The following CACNA2D3 variants were observed in gnomAD, a reference collection of about 807,000 sequenced individuals.
The protein encoded by CACNA2D3 is calcium voltage-gated channel auxiliary subunit alpha2delta 3, also known as voltage-dependent calcium channel subunit alpha-2/delta-3.
CACNA2D3 carries 60 observed loss-of-function variants against 160.6 expected under a neutral mutation model. The observed-to-expected ratio is 0.37, with a 90% CI of 0.30 to 0.46. The LOEUF is 0.46. Ranked by LOEUF, CACNA2D3 falls within the 20% of genes least tolerant of loss-of-function variation. CACNA2D3 has a pLI of 1.00. For missense variants in CACNA2D3, 1,205 were observed against 1,365.0 expected (o/e 0.88, Z 1.85); for synonymous variants, 558 against 492.9 (o/e 1.13, Z -1.75).
intron 27 of CACNA2D3, among the ~76,000 whole-genome samples, chr3:54,951,459 G>T (rs1324563832): frequency 3.3e-5 from 5 of 152,228 alleles, no homozygotes; most frequent in African/African-American, 4.8e-5. Context: ...TTTGGTGTGC[G>T]GCCCGGGGGC....
At chr3:54,634,934 AT>A (rs1331681321) in intron 10 of CACNA2D3, among the ~76,000 whole-genome samples, 6 of 152,064 alleles carry the variant, frequency 3.9e-5, no homozygotes, top group Admixed American at 6.5e-5. Context: ...GAGGCCTGAC[AT>A]TCCTGCCTTC....
chr3:54,469,787 C>G (rs528386203), intron 4 of CACNA2D3, among the ~76,000 whole-genome samples: 4 of 151,750 alleles, frequency 2.6e-5, no homozygotes, highest in Admixed American at 2.0e-4. Context: ...GAAGCATACA[C>G]AAGTATCAAT....
intron 15 of CACNA2D3, among the ~76,000 whole-genome samples, chr3:54,837,807 T>C (rs1187208831): frequency 6.6e-6 from 1 of 152,178 alleles, no homozygotes; most frequent in Admixed American, 6.5e-5. Flanking sequence ...CTCTGTGTCC[T>C]TCCCTGTTGT....
intron 2 of CACNA2D3, among the ~76,000 whole-genome samples, chr3:54,293,848 A>T (rs1222351321): frequency 6.6e-6 from 1 of 152,114 alleles, no homozygotes; most frequent in East Asian, 1.9e-4. Context: ...GAGTGATGAA[A>T]CGGTTCTGCA....
At chr3:54,736,004 TATGTATATATATAC>T (rs1701495828) in intron 11 of CACNA2D3, among the ~76,000 whole-genome samples, 6 of 100,064 alleles carry the variant, frequency 6.0e-5, no homozygotes, top group Admixed American at 4.9e-4. Flanking sequence ...CATATATATA[TATGTATATATATAC>T]ACATACATAT....
intron 3 of CACNA2D3, among the ~76,000 whole-genome samples, chr3:54,384,513 A>C (rs569244437): frequency 3.3e-5 from 5 of 152,184 alleles, no homozygotes; most frequent in Non-Finnish European, 7.4e-5. Flanking sequence ...ATTGTACCAC[A>C]TGATCCCAGA....
chr3:54,391,616 T>C (rs1699283829), intron 4 of CACNA2D3, among the ~76,000 whole-genome samples: 1 of 151,842 alleles, frequency 6.6e-6, no homozygotes, highest in Non-Finnish European at 1.5e-5. Context: ...CTTCAAGTGA[T>C]TCTCATGCCT....
Position 54,736,249 on chromosome 3 carries a change from G to A in CACNA2D3, c.1168-16350G>A, listed in dbSNP as rs138602850. Reference sequence around the variant, plus strand: ...TTAGTGATGTCTTTCCAAGTCATTAGCAATCGGCTTTGCCATTATTTGTGA... The same window carrying A: ...TTAGTGATGTCTTTCCAAGTCATTAACAATCGGCTTTGCCATTATTTGTGA... On this transcript the variant is annotated intron_variant, in intron 11 of 37. Transcript: ENST00000474759. 1.9e-4 allele frequency among the ~76,000 whole-genome samples: 29 copies of A among 150,272 alleles called. No individual in the cohort carries two copies. The East Asian group carries it at 5.3e-3, about 27-fold the overall frequency.
chr3:54,641,267 A>T (rs1699514201), intron 10 of CACNA2D3, among the ~76,000 whole-genome samples: 1 of 152,248 alleles, frequency 6.6e-6, no homozygotes, highest in South Asian at 2.1e-4. Context: ...AAGGCAAGAC[A>T]TTTCAAAGGG....
chr3:55,066,445 C>A (rs1331299359), intron 35 of CACNA2D3, among the ~76,000 whole-genome samples: 1 of 152,174 alleles, frequency 6.6e-6, no homozygotes, highest in Non-Finnish European at 1.5e-5. Context: ...GCCAAACAAG[C>A]TCTCCACATG....
At position 54,708,428 on chromosome 3, in the gene CACNA2D3, A is replaced by G. The variant is rs373484890; in HGVS notation, c.1168-44171A>G. On this transcript the variant is annotated intron_variant, in intron 11 of 37. Coordinates refer to ENST00000474759, the MANE Select transcript of CACNA2D3 (RefSeq NM_018398.3). ...GTAGAGCTACCAAAGACAAAGTGAC[A>G]GAAAAATAACCCTAATAAACACTTC... is the stretch of plus-strand genomic sequence containing the variant. 3.6e-4 allele frequency among the ~76,000 whole-genome samples: 55 copies of G among 152,346 alleles called. No homozygotes were observed. The South Asian group carries it at 7.0e-3, about 20-fold the overall frequency.
At chr3:54,199,889 T>G (rs1272738299) in intron 2 of CACNA2D3, among the ~76,000 whole-genome samples, 1 of 152,176 alleles carries the variant, frequency 6.6e-6, no homozygotes, top group Non-Finnish European at 1.5e-5. Flanking sequence ...GTCAGAAAAC[T>G]GTGATCTCAG....
chr3:54,229,454 A>G (rs1256614934), intron 2 of CACNA2D3, among the ~76,000 whole-genome samples: 1 of 152,018 alleles, frequency 6.6e-6, no homozygotes, highest in African/African-American at 2.4e-5. Context: ...TGGCCTCCCA[A>G]AGTGCTGGGA....
intron 32 of CACNA2D3, among the ~76,000 whole-genome samples, chr3:55,007,398 T>C (rs1703121251): frequency 6.6e-6 from 1 of 152,204 alleles, no homozygotes; most frequent in Non-Finnish European, 1.5e-5. Context: ...GAATCACCTT[T>C]CCAAGAGGCT....
chr3:54,406,880 C>T (rs1699586319), intron 4 of CACNA2D3, among the ~76,000 whole-genome samples: 1 of 151,818 alleles, frequency 6.6e-6, no homozygotes, highest in Admixed American at 6.6e-5. Context: ...TAATTTGTTC[C>T]ACTGTAGTCA....
At chr3:54,475,877 A>G (rs917552861) in intron 4 of CACNA2D3, among the ~76,000 whole-genome samples, 2 of 143,182 alleles carry the variant, frequency 1.4e-5, no homozygotes, top group Admixed American at 1.4e-4. Flanking sequence ...ACTCTCAACA[A>G]ATTTCAGGTA....
chr3:54,861,092 T>A (rs1251196638), intron 17 of CACNA2D3, among the ~76,000 whole-genome samples: 1 of 152,170 alleles, frequency 6.6e-6, no homozygotes, highest in African/African-American at 2.4e-5. Flanking sequence ...ATAGTCTTTT[T>A]ACCAAAGATG....
intron 5 of CACNA2D3, among the ~76,000 whole-genome samples, chr3:54,527,126 T>C (rs963590760): frequency 1.3e-5 from 2 of 152,246 alleles, no homozygotes; most frequent in African/African-American, 4.8e-5. Flanking sequence ...ATTTGAGATA[T>C]GTCCTCCTCC....
chr3:54,811,566 T>G (rs970814693), intron 13 of CACNA2D3, among the ~76,000 whole-genome samples: 1 of 145,084 alleles, frequency 6.9e-6, no homozygotes, highest in African/African-American at 2.5e-5. Context: ...GGTGTGATGT[T>G]AGCTCACTGC....
Sources: allele counts gnomAD v4.1 joint callset (sites outside exome capture counted in the v4.1 genomes callset), GRCh38; gene constraint gnomAD v4.1.1; transcripts MANE v1.5; gene names NCBI Gene and HGNC (gene_info 2026-07-23, HGNC 2026-07-21).